TSHR: variants seen among roughly 807,000 people sequenced by gnomAD.
TSHR encodes the protein thyroid stimulating hormone receptor, also known as thyrotropin receptor.
A neutral mutation model predicts 64.1 loss-of-function variants in TSHR; 51 were observed. That is an observed-to-expected ratio of 0.80 (90% CI 0.64 to 1.01). The LOEUF (loss-of-function observed/expected upper bound fraction) is 1.01. Ranked by LOEUF, TSHR falls within the 50% of genes least tolerant of loss-of-function variation. TSHR has a pLI of 0.00. For synonymous variants in TSHR, 361 were observed against 361.9 expected, an observed-to-expected ratio of 1.00 and a Z score of 0.03; for missense variants, 877 against 942.8, an observed-to-expected ratio of 0.93 and a Z score of 0.91.
chr14:81,117,731 A>AT (rs1309921759), intron 8 of TSHR, among the ~76,000 whole-genome samples: 2 of 57,876 alleles, frequency 3.5e-5, no homozygotes, highest in African/African-American at 1.8e-4. Context: ...AAAAAAGAGA[A>AT]TTTTAGACCA....
chr14:80,983,090 T>C (rs1372719353), intron 1 of TSHR: 4 of 637,110 alleles, frequency 6.3e-6, no homozygotes, highest in Non-Finnish European at 1.1e-5. Context: ...TAATGATGCT[T>C]ATTGAAAGCT....
At chr14:80,984,557 CT>C (rs1291821048) in intron 1 of TSHR, among the ~76,000 whole-genome samples, 2 of 152,210 alleles carry the variant, frequency 1.3e-5, no homozygotes, top group African/African-American at 4.8e-5. Context: ...GCTGTTTTAT[CT>C]GACACCAGAA....
intron 8 of TSHR, among the ~76,000 whole-genome samples, chr14:81,125,959 A>G (rs1317944797): frequency 6.6e-6 from 1 of 151,996 alleles, no homozygotes; most frequent in East Asian, 1.9e-4. Flanking sequence ...TGATCTTTCC[A>G]GAATGGTGTG....
intron 3 of TSHR, among the ~76,000 whole-genome samples, chr14:81,080,657 G>T (rs188776660): frequency 6.6e-6 from 1 of 151,978 alleles, no homozygotes; most frequent in African/African-American, 2.4e-5. Flanking sequence ...CTTTCCTCCA[G>T]TTACATATGG....
rs761752216 is a variant in TSHR, at chr14:81,091,053, T to G, written c.393-16T>G. On this transcript the variant is annotated splice_polypyrimidine_tract_variant and intron_variant, in intron 4 of 9. Coordinates refer to ENST00000298171, the MANE Select transcript of TSHR (RefSeq NM_000369.5). Reference sequence around the variant, plus strand: ...TAAATTCTATGCTTTTTTTTCTCTTTTTTTCATTAATTTAGTGGCATTTTC... The same window carrying G: ...TAAATTCTATGCTTTTTTTTCTCTTGTTTTCATTAATTTAGTGGCATTTTC... 1.9e-6 allele frequency: 3 copies of G among 1,606,144 alleles called. No homozygotes were observed. In the Admixed American group the frequency reaches 5.0e-5, roughly 27 times the overall value.
intron 9 of TSHR, among the ~76,000 whole-genome samples, chr14:81,141,695 G>A (rs1891695100): frequency 6.6e-6 from 1 of 152,086 alleles, no homozygotes; most frequent in Non-Finnish European, 1.5e-5. Context: ...GATCACTTGA[G>A]GTCAAGAGTT....
intron 1 of TSHR, among the ~76,000 whole-genome samples, chr14:80,996,712 G>C (rs948567785): frequency 6.6e-6 from 1 of 152,036 alleles, no homozygotes; most frequent in Non-Finnish European, 1.5e-5. Context: ...AGTGGGGGAG[G>C]GGGGACTCTC....
At chr14:81,062,961 C>T (rs1269534642) in intron 2 of TSHR, among the ~76,000 whole-genome samples, 1 of 152,246 alleles carries the variant, frequency 6.6e-6, no homozygotes, top group East Asian at 1.9e-4. Context: ...GACTCTACCC[C>T]TAGAAGCATT....
At chr14:81,088,468 C>T (rs892094397) in intron 4 of TSHR, among the ~76,000 whole-genome samples, 5 of 152,078 alleles carry the variant, frequency 3.3e-5, no homozygotes, top group Non-Finnish European at 5.9e-5. Context: ...CAGTTTCAAC[C>T]TCCCACTCCA....
intron 1 of TSHR, among the ~76,000 whole-genome samples, chr14:80,988,334 T>C (rs1182212871): frequency 6.6e-6 from 1 of 152,090 alleles, no homozygotes; most frequent in African/African-American, 2.4e-5. Context: ...CTCAGGAAAC[T>C]TACAATTATG....
chr14:80,995,243 T>C (rs372917418), intron 1 of TSHR: 15 of 152,228 alleles, frequency 9.9e-5, no homozygotes, highest in African/African-American at 2.9e-4. Flanking sequence ...GGAGTGTAAA[T>C]TAATGCAGCC....
chr14:81,121,940 C>T (rs1890811731), intron 8 of TSHR, among the ~76,000 whole-genome samples: 1 of 140,490 alleles, frequency 7.1e-6, no homozygotes, highest in African/African-American at 2.6e-5. Flanking sequence ...AAGACTCTGT[C>T]TCAAAAAAAT....
intron 1 of TSHR, among the ~76,000 whole-genome samples, chr14:81,055,673 C>T (rs1301175191): frequency 6.6e-6 from 1 of 152,190 alleles, no homozygotes; most frequent in Non-Finnish European, 1.5e-5. Flanking sequence ...ATTTGACTGT[C>T]CTGCTGTATT....
At chr14:81,124,594 C>A (rs1890941643) in intron 8 of TSHR, among the ~76,000 whole-genome samples, 1 of 151,990 alleles carries the variant, frequency 6.6e-6, no homozygotes, top group Non-Finnish European at 1.5e-5. Flanking sequence ...ATATATATGT[C>A]TTTATGTATA....
intron 1 of TSHR, among the ~76,000 whole-genome samples, chr14:81,059,661 T>G (rs1289753766): frequency 6.6e-6 from 1 of 152,154 alleles, no homozygotes; most frequent in Non-Finnish European, 1.5e-5. Flanking sequence ...CAATTTTGTT[T>G]GATTTACTGT....
At position 81,041,135 on chromosome 14, in the gene TSHR, C is replaced by G. The variant is rs548926442; in HGVS notation, c.171-21013C>G. Among the ~76,000 whole-genome samples, 88 of 152,214 alleles carry G rather than the reference C, an allele frequency of 5.8e-4. No homozygotes were observed. The South Asian group carries it at 0.011, about 19-fold the overall frequency. On this transcript the variant is annotated intron_variant, in intron 1 of 9. Transcript: ENST00000298171. ...TCTCAAAAACCTAAAGACAGAAATA[C>G]CATTCAACCCAGCAATCCCATTACT...
chr14:81,065,163 A>G (rs1886520765), intron 2 of TSHR, among the ~76,000 whole-genome samples: 1 of 152,066 alleles, frequency 6.6e-6, no homozygotes, highest in Non-Finnish European at 1.5e-5. Flanking sequence ...GTACCACCCC[A>G]CAACAGGAGA....
At chr14:80,991,911 G>C in intron 1 of TSHR, 1 of 267,414 alleles carries the variant, frequency 3.7e-6, no homozygotes, top group Non-Finnish European at 6.9e-6. Flanking sequence ...ATAAGTGTGG[G>C]ACCAGAAAGA....
At chr14:81,015,721 A>G (rs1890146227) in intron 1 of TSHR, among the ~76,000 whole-genome samples, 1 of 152,040 alleles carries the variant, frequency 6.6e-6, no homozygotes, top group South Asian at 2.1e-4. Flanking sequence ...AGATATCTTA[A>G]ACTTATTCCT....
Sources: allele counts gnomAD v4.1 joint callset (sites outside exome capture counted in the v4.1 genomes callset), GRCh38; gene constraint gnomAD v4.1.1; transcripts MANE v1.5; gene names NCBI Gene and HGNC (gene_info 2026-07-23, HGNC 2026-07-21).